Variants in PDE2A observed in about 807,000 individuals in gnomAD.
The protein encoded by PDE2A is phosphodiesterase 2A, also known as cGMP-dependent 3',5'-cyclic phosphodiesterase.
In PDE2A, 53 loss-of-function variants were observed where a neutral mutation model predicts 133.6. That is an observed-to-expected ratio of 0.40 (90% CI 0.32 to 0.50). PDE2A has a LOEUF of 0.50. Ranked by LOEUF, PDE2A falls within the 20% of genes least tolerant of loss-of-function variation. PDE2A has a pLI of 0.73. For missense variants in PDE2A, 796 were observed against 1,232.4 expected, an observed-to-expected ratio of 0.65 and a Z score of 5.30; for synonymous variants, 491 against 490.2, an observed-to-expected ratio of 1.00 and a Z score of -0.02.
At chr11:72,620,697 A>G (rs1591083960) in intron 2 of PDE2A, among the ~76,000 whole-genome samples, 3 of 152,230 alleles carry the variant, frequency 2.0e-5, no homozygotes, top group Admixed American at 1.3e-4. Context: ...GGTGTGATTA[A>G]CCAAATTATG....
chr11:72,655,347 A>AGACAGCATGGGGACAATGAGCTTGG, intron 1 of PDE2A, among the ~76,000 whole-genome samples: 1 of 151,768 alleles, frequency 6.6e-6, no homozygotes, highest in East Asian at 1.9e-4. Context: ...AGCCAGGGTG[A>AGACAGCATGGGGACAATGAGCTTGG]GGCAGCCTGG....
chr11:72,597,565 G>C lies in PDE2A; in HGVS notation c.378C>G (p.Asp126Glu), dbSNP rs1182339698. Residue 126 changes from aspartate to glutamate, a missense_variant, in exon 5 of 31, where the codon GAC (aspartate) becomes GAG (glutamate). Around this residue, in one of 7 missense-constraint regions of PDE2A, gnomAD observed 417 missense variants for 475.3 expected, o/e 0.88. Transcript: ENST00000334456. This position sits in a 1 kb window ranked among gnomAD's most constrained non-coding sequence, Gnocchi z 4.6. ...GCCTGGCCAAGGGCTTCCCTGGCAG[G>C]TCTGAGAAGCCCAGCCCATTGCAGC... The part of the protein sequence containing the change: ...RLGCNGLGFS[D>E]LPGKPLARLV... 9 of 1,612,426 alleles carry C rather than the reference G, an allele frequency of 5.6e-6. No individual in the cohort carries two copies. The highest frequency in any genetic ancestry group is 7.6e-6 in the Non-Finnish European group (9 of 1,179,922).
intron 1 of PDE2A, among the ~76,000 whole-genome samples, chr11:72,646,544 C>T (rs1859131791): frequency 6.6e-6 from 1 of 152,218 alleles, no homozygotes; most frequent in Non-Finnish European, 1.5e-5. Flanking sequence ...CTATGTAGCC[C>T]AGGACCCCCC....
At position 72,584,586 on chromosome 11, in the gene PDE2A, T is replaced by C; in HGVS notation, c.1502A>G (p.Asn501Ser). Residue 501 changes from asparagine to serine, a missense_variant, in exon 18 of 31, where the codon AAC (asparagine) becomes AGC (serine). By Grantham distance (46) the Asn-to-Ser change is conservative. This residue lies in a region of PDE2A where 218 missense variants were observed against 465.9 expected (regional missense o/e 0.47). Transcript: ENST00000334456. ...GTTCTTGATGGGGAAGCAGAGGATG[T>C]TGCGCGTGCGGAAGCCGGTGCTGTC... ...VDDSTGFRTR[N>S]ILCFPIKNEN... 1 of 1,612,324 alleles carries C rather than the reference T, an allele frequency of 6.2e-7. No individual in the cohort carries two copies. The highest frequency in any genetic ancestry group is 1.1e-5 in the South Asian group (1 of 91,044).
intron 2 of PDE2A, among the ~76,000 whole-genome samples, chr11:72,618,826 G>T (rs1857605579): frequency 6.6e-6 from 1 of 152,072 alleles, no homozygotes; most frequent in Non-Finnish European, 1.5e-5. Context: ...CCCGGTCAGT[G>T]GGGCCACAGG....
chr11:72,593,278 C>T (rs1184953387), intron 6 of PDE2A, among the ~76,000 whole-genome samples: 1 of 152,094 alleles, frequency 6.6e-6, no homozygotes, highest in Non-Finnish European at 1.5e-5. Flanking sequence ...ACATTCATGC[C>T]TGTACACAGG....
At chr11:72,628,527 C>T (rs1858202598) in intron 2 of PDE2A, among the ~76,000 whole-genome samples, 1 of 152,162 alleles carries the variant, frequency 6.6e-6, no homozygotes, top group Non-Finnish European at 1.5e-5. Context: ...AGACAGGTTT[C>T]ACCCTGTTAA....
intron 2 of PDE2A, among the ~76,000 whole-genome samples, chr11:72,627,415 G>A (rs1046059955): frequency 2.6e-5 from 4 of 152,232 alleles, no homozygotes; most frequent in Admixed American, 1.3e-4. Flanking sequence ...TCTGAGGAAC[G>A]TCACAAAGGA....
intron 30 of PDE2A, among the ~76,000 whole-genome samples, chr11:72,577,926 C>T (rs1447708301): frequency 6.6e-6 from 1 of 152,140 alleles, no homozygotes; most frequent in African/African-American, 2.4e-5. Context: ...GAGCCAAGAT[C>T]GTGCCATTGC....
chr11:72,664,112 T>TGCAGCCACAGCTCCTGCAGG (rs1767761383), intron 1 of PDE2A, among the ~76,000 whole-genome samples: 1 of 152,276 alleles, frequency 6.6e-6, no homozygotes, highest in Admixed American at 6.5e-5. Context: ...AAGCAGTGGC[T>TGCAGCCACAGCTCCTGCAGG]GCAGCCACAG....
At chr11:72,617,275 G>A (rs1287199699) in intron 2 of PDE2A, among the ~76,000 whole-genome samples, 1 of 152,232 alleles carries the variant, frequency 6.6e-6, no homozygotes, top group East Asian at 1.9e-4. Context: ...TGGGCCTGCA[G>A]AGGGCGGGGA....
At chr11:72,579,162 G>A (rs945867316) in intron 27 of PDE2A, 122 bp downstream of exon 27, 5 of 943,182 alleles carry the variant, frequency 5.3e-6, no homozygotes, top group South Asian at 4.1e-5. Context: ...GGGGGGGGCC[G>A]TGCAGCCAGA....
intron 2 of PDE2A, among the ~76,000 whole-genome samples, chr11:72,624,323 T>C (rs1184293263): frequency 6.6e-6 from 1 of 152,166 alleles, no homozygotes; most frequent in Non-Finnish European, 1.5e-5. Flanking sequence ...GGTGTTACTT[T>C]CCCGCCTGAA....
intron 6 of PDE2A, among the ~76,000 whole-genome samples, chr11:72,595,897 G>A (rs541977844): frequency 1.1e-4 from 17 of 152,228 alleles, no homozygotes; most frequent in African/African-American, 3.4e-4. Flanking sequence ...GGAACTCCTC[G>A]AGGGGCTGCA....
At chr11:72,609,248 A>G (rs1452367670) in intron 2 of PDE2A, among the ~76,000 whole-genome samples, 3 of 152,266 alleles carry the variant, frequency 2.0e-5, no homozygotes, top group Non-Finnish European at 4.4e-5. Flanking sequence ...GGCTGACATG[A>G]AGATAAAATG....
chr11:72,609,938 C>T (rs890176138), intron 2 of PDE2A, among the ~76,000 whole-genome samples: 2 of 146,524 alleles, frequency 1.4e-5, no homozygotes, highest in Admixed American at 7.2e-5. Flanking sequence ...AAATTGCAGG[C>T]CATATTAATA....
Position 72,582,654 on chromosome 11 carries a change from C to T in PDE2A, c.1729-88G>A, listed in dbSNP as rs548798852. On this transcript the variant is annotated intron_variant, in intron 20 of 30. Transcript: ENST00000334456. ...AAATTCCCATGGCAGGTGGGGGATC[C>T]GTCACCCAGAATGTACCACAGTTGG... 9.7e-6 allele frequency: 13 copies of T among 1,340,698 alleles called. No homozygotes were observed. In the South Asian group the frequency reaches 1.1e-4, roughly 11 times the overall value. The allele number at this position is 1,340,698 out of a possible 1,614,324, so 83.1% of individuals were successfully genotyped here.
chr11:72,619,539 T>C (rs1290835587), intron 2 of PDE2A, among the ~76,000 whole-genome samples: 1 of 152,190 alleles, frequency 6.6e-6, no homozygotes, highest in East Asian at 1.9e-4. Context: ...ACCCTGTGTC[T>C]ATGTGTGTGC....
Position 72,583,550 on chromosome 11 carries a change from G to A in PDE2A, c.1651-35C>T, listed in dbSNP as rs779833280. 7 of 1,459,108 alleles carry A rather than the reference G, an allele frequency of 4.8e-6. No homozygotes were observed. The East Asian group carries it at 1.6e-4, about 33-fold the overall frequency. 90.4% of individuals were successfully genotyped at this position (1,459,108 alleles called of 1,614,324 possible). A position where few individuals can be genotyped will look rare whatever the true frequency, so the allele number is the denominator to read the frequency against. ...AGAGGGAAAGATGGGGCTCAAGGAA[G>A]GTGGCTGTGAAAATTTAGCAATGCC... On this transcript the variant is annotated intron_variant, in intron 19 of 30. Transcript: ENST00000334456.
Sources: gnomAD v4.1 joint callset for allele counts (sites outside exome capture counted in the v4.1 genomes callset) on GRCh38, gnomAD v4.1.1 for gene constraint, gnomAD v4.1.1 regional missense constraint, Gnocchi (gnomAD v3.1) non-coding constraint, MANE v1.5 for transcripts, NCBI Gene and HGNC (gene_info 2026-07-23, HGNC 2026-07-21) for gene names.